Variants in DIP2C observed in about 807,000 individuals in gnomAD.
The protein encoded by DIP2C is DIP2 acetate--CoA ligase C (putative).
DIP2C carries 33 observed loss-of-function variants against 192.4 expected under a neutral mutation model. The observed-to-expected ratio is 0.17, with a 90% CI of 0.13 to 0.23. The LOEUF (loss-of-function observed/expected upper bound fraction) is 0.23. Ranked by LOEUF, DIP2C falls within the 10% of genes least tolerant of loss-of-function variation. The pLI, the probability that DIP2C is intolerant of heterozygous loss-of-function variation, is 1.00. For synonymous variants in DIP2C, 979 were observed against 864.1 expected (o/e 1.13, Z -2.33); for missense variants, 1,537 against 2,110.1 (o/e 0.73, Z 5.32).
At chr10:482,875 G>A (rs567751365) in intron 2 of DIP2C, among the ~76,000 whole-genome samples, 17 of 152,338 alleles carry the variant, frequency 1.1e-4, no homozygotes, top group South Asian at 4.1e-4. Context: ...GGTTTGAACC[G>A]CAGAAGGGTG....
rs1288636546 is a variant in DIP2C, at chr10:274,873, CATGA to C, written c.*2448_*2451del. 6 of 152,212 alleles carry C rather than the reference CATGA, an allele frequency of 3.9e-5. No homozygotes were observed. Among genetic ancestry groups the C allele is most frequent in the Non-Finnish European group, 5.9e-5 (4 of 68,050 alleles). The allele number at this position is 152,212 out of a possible 1,614,324, so 9.4% of individuals were successfully genotyped here. Reference sequence around the variant, plus strand: ...ACAAGACAAACATTTTTTACAATCTCATGAATGATTTATCTACAGTACAATTTTG... The same window carrying C: ...ACAAGACAAACATTTTTTACAATCTCATGATTTATCTACAGTACAATTTTG... On this transcript the variant is annotated 3_prime_UTR_variant, in exon 37 of 37. Transcript: ENST00000280886.
At chr10:452,864 C>CG (rs1968963283) in intron 3 of DIP2C, among the ~76,000 whole-genome samples, 2 of 152,164 alleles carry the variant, frequency 1.3e-5, no homozygotes, top group Non-Finnish European at 1.5e-5. Flanking sequence ...CCACAGGGCA[C>CG]GGGGCAGGAT....
intron 4 of DIP2C, among the ~76,000 whole-genome samples, chr10:434,386 G>A (rs908141638): frequency 6.6e-6 from 1 of 152,136 alleles, no homozygotes; most frequent in Non-Finnish European, 1.5e-5. Context: ...GGGCTCAAGT[G>A]ACCCTCCCAT....
At chr10:582,850 A>G (rs937573678) in intron 1 of DIP2C, among the ~76,000 whole-genome samples, 9 of 152,206 alleles carry the variant, frequency 5.9e-5, no homozygotes, top group African/African-American at 2.2e-4. Flanking sequence ...TCTAATTGAG[A>G]AAATTATATA....
chr10:321,343 G>A (rs183949006), intron 31 of DIP2C, among the ~76,000 whole-genome samples: 13 of 152,334 alleles, frequency 8.5e-5, no homozygotes, highest in African/African-American at 2.9e-4. Flanking sequence ...AGCCTTCCCC[G>A]AAGACCAGGA....
chr10:497,405 CCCT>C (rs1356976883), intron 1 of DIP2C, among the ~76,000 whole-genome samples: 1 of 152,198 alleles, frequency 6.6e-6, no homozygotes, highest in African/African-American at 2.4e-5. Context: ...CCTCCCACAC[CCCT>C]CATTACTTCC....
chr10:575,412 A>T (rs1850089133), intron 1 of DIP2C, among the ~76,000 whole-genome samples: 1 of 152,196 alleles, frequency 6.6e-6, no homozygotes, highest in South Asian at 2.1e-4. Flanking sequence ...GGGAGCAGTG[A>T]GAGAAAGGAG....
chr10:571,350 G>A (rs1849797014), intron 1 of DIP2C, among the ~76,000 whole-genome samples: 1 of 152,152 alleles, frequency 6.6e-6, no homozygotes, highest in Admixed American at 6.5e-5. Context: ...GGTCAGCCCT[G>A]CCAGGCCGCC....
chr10:461,674 C>T (rs1401809461), intron 3 of DIP2C, among the ~76,000 whole-genome samples: 2 of 152,132 alleles, frequency 1.3e-5, no homozygotes, highest in African/African-American at 4.8e-5. Flanking sequence ...AGCTCTGGGC[C>T]AAGCGGACCT....
intron 3 of DIP2C, among the ~76,000 whole-genome samples, chr10:454,953 T>G (rs1364626806): frequency 6.6e-6 from 1 of 152,164 alleles, no homozygotes; most frequent in Non-Finnish European, 1.5e-5. Context: ...TTCCATCTTT[T>G]GAAGTCATAA....
chr10:392,578 G>A (rs1176984474), intron 10 of DIP2C, among the ~76,000 whole-genome samples: 6 of 152,280 alleles, frequency 3.9e-5, no homozygotes, highest in South Asian at 4.1e-4. Context: ...CCGCGGCCCC[G>A]TCAGACGCCA....
chr10:378,508 G>A (rs1564635506), intron 17 of DIP2C, among the ~76,000 whole-genome samples: 1 of 151,268 alleles, frequency 6.6e-6, no homozygotes. Context: ...CATGCATAAA[G>A]ACACGTGAAC....
Position 327,180 on chromosome 10 carries a change from G to C in DIP2C, c.3754-4C>G, listed in dbSNP as rs1391046868. On this transcript the variant is annotated splice_region_variant and splice_polypyrimidine_tract_variant and intron_variant, in intron 30 of 36. Coordinates refer to ENST00000280886, the MANE Select transcript of DIP2C (RefSeq NM_014974.3). ...GGGACAAGTCCAGCCCTCGCGCCTG[G>C]AGATGATGACAGAGAAACCGAGTCA... 1 of 1,612,690 alleles carries C rather than the reference G, an allele frequency of 6.2e-7. No individual in the cohort carries two copies. Among genetic ancestry groups the C allele is most frequent in the Non-Finnish European group, 8.5e-7 (1 of 1,179,652 alleles).
In DIP2C at chr10:650,734, CT is replaced by C. The variant is rs1353997477; in HGVS notation, c.85+38759del. On this transcript the variant is annotated intron_variant, in intron 1 of 36. Transcript: ENST00000280886. ...CCAGAGTGCTCTGGGCCGACCCCCC[CT>C]CATGCTCACTTCCCTGCATAAGTTT... is the stretch of plus-strand genomic sequence containing the variant. 1.3e-5 allele frequency: 8 copies of C among 639,886 alleles called. No homozygotes were observed. In the African/African-American group the frequency reaches 1.3e-4, roughly 10 times the overall value. The allele number at this position is 639,886 out of a possible 1,614,324, so 39.6% of individuals were successfully genotyped here. A position where few individuals can be genotyped will look rare whatever the true frequency, so the allele number is the denominator to read the frequency against.
At chr10:388,820 C>T (rs975430863) in intron 13 of DIP2C, among the ~76,000 whole-genome samples, 3 of 152,234 alleles carry the variant, frequency 2.0e-5, no homozygotes, top group Non-Finnish European at 2.9e-5. Context: ...CAGAAAGAGA[C>T]GCCAGGCAGG....
At chr10:396,828 G>GT (rs973681834) in intron 10 of DIP2C, among the ~76,000 whole-genome samples, 2 of 60,312 alleles carry the variant, frequency 3.3e-5, no homozygotes, top group African/African-American at 7.8e-5. Flanking sequence ...AAATCCGGTG[G>GT]GGGGGGGGGA....
chr10:361,955 A>G (rs1355846721), intron 22 of DIP2C, among the ~76,000 whole-genome samples: 1 of 151,592 alleles, frequency 6.6e-6, no homozygotes, highest in Non-Finnish European at 1.5e-5. Context: ...GTGTGGGGGG[A>G]AAACTGTGCC....
intron 1 of DIP2C, among the ~76,000 whole-genome samples, chr10:646,404 G>A (rs561374590): frequency 3.3e-5 from 5 of 152,112 alleles, no homozygotes; most frequent in South Asian, 4.2e-4. Context: ...CTGACCACCC[G>A]CCTCGACTCC....
chr10:310,243 GCTAA>G (rs1175322435), intron 31 of DIP2C, 151 bp from the exon 32 acceptor site: 24 of 683,694 alleles, frequency 3.5e-5, no homozygotes, highest in Admixed American at 1.1e-4. Context: ...CAAGGCACCT[GCTAA>G]CTTTCAGTGT....
Sources: allele counts gnomAD v4.1 joint callset (sites outside exome capture counted in the v4.1 genomes callset), GRCh38; gene constraint gnomAD v4.1.1; transcripts MANE v1.5; gene names NCBI Gene and HGNC (gene_info 2026-07-23, HGNC 2026-07-21).